GSG1L: variants seen among roughly 807,000 people sequenced by gnomAD.
The protein encoded by GSG1L is germ cell-specific gene 1-like protein.
Under a neutral mutation model 42.1 loss-of-function variants are expected in GSG1L, and 24 were observed. The observed-to-expected ratio is 0.57, with a 90% CI of 0.41 to 0.80. GSG1L has a LOEUF of 0.80. Ranked by LOEUF, GSG1L falls within the 30% of genes least tolerant of loss-of-function variation. GSG1L has a pLI of 0.00. For missense variants in GSG1L, 445 were observed against 472.2 expected (o/e 0.94, Z 0.53); for synonymous variants, 215 against 203.5 (o/e 1.06, Z -0.48).
chr16:27,851,585 G>A (rs2083515790), intron 3 of GSG1L, among the ~76,000 whole-genome samples: 1 of 152,144 alleles, frequency 6.6e-6, no homozygotes, highest in Non-Finnish European at 1.5e-5. Context: ...GGGGGTTGAG[G>A]AGCGGCAAGC....
At chr16:27,793,265 TG>T (rs763805971) in intron 6 of GSG1L, among the ~76,000 whole-genome samples, 12 of 152,134 alleles carry the variant, frequency 7.9e-5, no homozygotes, top group Non-Finnish European at 1.3e-4. Flanking sequence ...ATAGCTGGGG[TG>T]GGGGGTAATA....
intron 2 of GSG1L, among the ~76,000 whole-genome samples, chr16:27,920,118 A>G (rs902363631): frequency 1.3e-4 from 20 of 152,226 alleles, no homozygotes; most frequent in African/African-American, 4.1e-4. Context: ...AAAATCTTCA[A>G]TTGTCATATT....
chr16:28,047,947 A>G (rs2141191635), intron 1 of GSG1L, among the ~76,000 whole-genome samples: 1 of 152,082 alleles, frequency 6.6e-6, no homozygotes, highest in South Asian at 2.1e-4. Flanking sequence ...GGCTGGGTGC[A>G]GTGGTTCACG....
chr16:27,949,686 G>A (rs985499543), intron 2 of GSG1L, among the ~76,000 whole-genome samples: 2 of 152,212 alleles, frequency 1.3e-5, no homozygotes, highest in Non-Finnish European at 2.9e-5. Flanking sequence ...AGCAATTTGG[G>A]AGGCCGAGGC....
At chr16:28,003,590 A>T (rs538215902) in intron 1 of GSG1L, among the ~76,000 whole-genome samples, 1 of 152,344 alleles carries the variant, frequency 6.6e-6, no homozygotes, top group South Asian at 2.1e-4. Flanking sequence ...GCCTTGCAGG[A>T]AAACGTGGTT....
intron 2 of GSG1L, among the ~76,000 whole-genome samples, chr16:27,931,898 C>T (rs771758380): frequency 1.3e-5 from 2 of 152,196 alleles, no homozygotes; most frequent in Non-Finnish European, 2.9e-5. Context: ...TAATCTCAAA[C>T]AGAGTGCATG....
chr16:27,998,554 G>A (rs946933648), intron 1 of GSG1L, among the ~76,000 whole-genome samples: 1 of 152,144 alleles, frequency 6.6e-6, no homozygotes, highest in African/African-American at 2.4e-5. Context: ...TTGGGAGGTC[G>A]AGGCAGGAGG....
At chr16:27,803,794 TAGATAGATAG>T (rs752564045) in intron 6 of GSG1L, among the ~76,000 whole-genome samples, 60 of 68,646 alleles carry the variant, frequency 8.7e-4, no homozygotes, top group African/African-American at 2.1e-3. Flanking sequence ...TATATATATA[TAGATAGATAG>T]ATATAGATAT....
intron 2 of GSG1L, among the ~76,000 whole-genome samples, chr16:27,948,404 C>T (rs1405104273): frequency 2.0e-5 from 3 of 152,006 alleles, no homozygotes; most frequent in East Asian, 1.9e-4. Context: ...GGCAGGGTCT[C>T]GCTCTGTTGT....
intron 2 of GSG1L, among the ~76,000 whole-genome samples, chr16:27,933,599 T>C (rs2084679785): frequency 7.1e-6 from 1 of 140,134 alleles, no homozygotes; most frequent in Non-Finnish European, 1.5e-5. Context: ...CAGTGAGCTA[T>C]GATCATACTA....
chr16:27,986,485 G>A (rs1388609197), intron 1 of GSG1L, among the ~76,000 whole-genome samples: 2 of 141,240 alleles, frequency 1.4e-5, no homozygotes, highest in African/African-American at 5.4e-5. Context: ...CAGCCTGAGC[G>A]ACCGAGCGAG....
chr16:27,804,227 C>T (rs573035110), intron 6 of GSG1L, among the ~76,000 whole-genome samples: 148 of 152,226 alleles, frequency 9.7e-4, no homozygotes, highest in African/African-American at 3.2e-3. Flanking sequence ...CTCCTGCCAC[C>T]GTCGGCCCCT....
intron 6 of GSG1L, among the ~76,000 whole-genome samples, chr16:27,801,336 G>A (rs908143628): frequency 6.6e-6 from 1 of 152,196 alleles, no homozygotes; most frequent in Non-Finnish European, 1.5e-5. Context: ...ATTTCTAGAA[G>A]AAGAATCCCC....
At chr16:27,856,563 C>T (rs2083580038) in intron 3 of GSG1L, among the ~76,000 whole-genome samples, 1 of 152,240 alleles carries the variant, frequency 6.6e-6, no homozygotes, top group African/African-American at 2.4e-5. Flanking sequence ...GATCCCACCT[C>T]AGCCTCTCAA....
chr16:27,963,405 C>T (rs2085093241), intron 1 of GSG1L, among the ~76,000 whole-genome samples: 1 of 152,068 alleles, frequency 6.6e-6, no homozygotes, highest in Non-Finnish European at 1.5e-5. Flanking sequence ...ACCTCCTGAC[C>T]CCATCCATCC....
At chr16:27,967,024 A>G (rs1267109184) in intron 1 of GSG1L, among the ~76,000 whole-genome samples, 1 of 152,254 alleles carries the variant, frequency 6.6e-6, no homozygotes, top group East Asian at 1.9e-4. Context: ...CCCCTGCGAC[A>G]CTAGACTGGA....
intron 1 of GSG1L, among the ~76,000 whole-genome samples, chr16:27,986,711 G>T (rs2085388530): frequency 6.6e-6 from 1 of 152,150 alleles, no homozygotes; most frequent in Admixed American, 6.5e-5. Flanking sequence ...TCTTTCTTTT[G>T]GGGGACCCAG....
At chr16:28,027,802 C>T (rs975344705) in intron 1 of GSG1L, among the ~76,000 whole-genome samples, 5 of 152,156 alleles carry the variant, frequency 3.3e-5, no homozygotes, top group Non-Finnish European at 5.9e-5. Flanking sequence ...GGGAGCATCA[C>T]TTGAGCCCAG....
At chr16:27,991,286 G>C (rs1028848681) in intron 1 of GSG1L, among the ~76,000 whole-genome samples, 1 of 151,848 alleles carries the variant, frequency 6.6e-6, no homozygotes, top group Non-Finnish European at 1.5e-5. Context: ...TTTTCTTCGT[G>C]ATGTTTTTAG....
Sources: gnomAD v4.1 joint callset for allele counts (sites outside exome capture counted in the v4.1 genomes callset) on GRCh38, gnomAD v4.1.1 for gene constraint, MANE v1.5 for transcripts, NCBI Gene and HGNC (gene_info 2026-07-23, HGNC 2026-07-21) for gene names.